Variants in SATB1 observed in about 807,000 individuals in gnomAD.
The protein encoded by SATB1 is SATB homeobox 1.
SATB1 carries 11 observed loss-of-function variants against 86.9 expected under a neutral mutation model. That is an observed-to-expected ratio of 0.13 (90% CI 0.08 to 0.21). The LOEUF is 0.21. SATB1 is among the 10% of genes least tolerant of loss of function. The pLI is 1.00. For synonymous variants in SATB1, 357 were observed against 357.2 expected (o/e 1.00, Z 0.01); for missense variants, 551 against 937.6 (o/e 0.59, Z 5.39).
At chr3:18,382,370 C>A (rs1696110371) in intron 8 of SATB1, among the ~76,000 whole-genome samples, 1 of 152,118 alleles carries the variant, frequency 6.6e-6, no homozygotes, top group Admixed American at 6.6e-5. Flanking sequence ...AAACAGTCTT[C>A]ATGGAAACAA....
At position 18,385,322 on chromosome 3, in the gene SATB1, T is replaced by C. The variant is rs568879207; in HGVS notation, c.1419+1077A>G. On this transcript the variant is annotated intron_variant, in intron 8 of 10. Transcript: ENST00000338745. The stretch of plus-strand genomic sequence containing the variant: ...AGCTGTAAATGTCACAAGTTAAACA[T>C]GTAAGAAAACACATTTGCAGCCGGG... Among the ~76,000 whole-genome samples the C allele has an allele frequency of 5.3e-5, 8 of 152,284 alleles. No homozygotes were observed. In the South Asian group the frequency reaches 1.7e-3, roughly 32 times the overall value.
chr3:18,420,689 C>G, intron 2 of SATB1, 68 bp downstream of exon 2: 2 of 1,264,792 alleles, frequency 1.6e-6, no homozygotes, highest in South Asian at 1.2e-5. Context: ...ACTCCACCCC[C>G]ACACAGTGTG....
At chr3:18,357,851 G>A (rs755535813) in intron 9 of SATB1, among the ~76,000 whole-genome samples, 11 of 151,726 alleles carry the variant, frequency 7.2e-5, no homozygotes, top group Non-Finnish European at 8.8e-5. Context: ...ATACTTTTGA[G>A]GGGGTGGCTA....
At chr3:18,437,509 G>C (rs922774917) in intron 1 of SATB1, among the ~76,000 whole-genome samples, 1 of 151,980 alleles carries the variant, frequency 6.6e-6, no homozygotes, top group Non-Finnish European at 1.5e-5. Context: ...TTAATATATA[G>C]TTAACATGTC....
intron 2 of SATB1, chr3:18,434,993 T>C (rs1196896869): frequency 6.6e-6 from 1 of 152,136 alleles, no homozygotes; most frequent in Non-Finnish European, 1.5e-5. Flanking sequence ...CCGACCACAA[T>C]TTTCTAAACG....
chr3:18,434,512 T>A (rs1232877351), intron 2 of SATB1, among the ~76,000 whole-genome samples: 1 of 152,012 alleles, frequency 6.6e-6, no homozygotes, highest in Non-Finnish European at 1.5e-5. Context: ...TCAGAAAGCC[T>A]TTAAAACTCA....
At chr3:18,381,593 A>G (rs1031379800) in intron 8 of SATB1, among the ~76,000 whole-genome samples, 3 of 152,238 alleles carry the variant, frequency 2.0e-5, no homozygotes, top group Non-Finnish European at 2.9e-5. Flanking sequence ...TTTAGAGTTC[A>G]TGACATTACC....
rs912338875 is a variant in SATB1, at chr3:18,349,968, C to T, written c.1780-286G>A. 6 of 436,960 alleles carry T rather than the reference C, an allele frequency of 1.4e-5. No individual in the cohort carries two copies. The South Asian group carries it at 2.3e-4, about 17-fold the overall frequency. 27.1% of individuals were successfully genotyped at this position (436,960 alleles called of 1,614,324 possible). ...AAACTCAGTGCTCTGAAAATGTGAG[C>T]CATAAAATTCACTAGAATGATACGC... On this transcript the variant is annotated intron_variant, in intron 10 of 10. Coordinates refer to ENST00000338745, the MANE Select transcript of SATB1 (RefSeq NM_002971.6). This position sits in a 1 kb window ranked among gnomAD's most constrained non-coding sequence, Gnocchi z 5.5.
intron 1 of SATB1, chr3:18,445,307 G>T (rs1479930537): frequency 3.0e-6 from 3 of 985,872 alleles, no homozygotes; most frequent in Non-Finnish European, 3.6e-6. Flanking sequence ...CGCCGCCGCC[G>T]CTGCTGCGCA....
chr3:18,378,658 T>G (rs1372244340), intron 8 of SATB1, among the ~76,000 whole-genome samples: 1 of 152,184 alleles, frequency 6.6e-6, no homozygotes, highest in Non-Finnish European at 1.5e-5. Flanking sequence ...TCCATTGCAA[T>G]CCTAACAAAG....
rs528086974 is a variant in SATB1 at position 18,424,739 on chromosome 3, T to C, written c.-1137A>G. ...CGAGCACCACAATGGCACTAGGACT[T>C]TGGGGGAAAAGAAACCCAGAAACCC... On this transcript the variant is annotated 5_prime_UTR_variant, in exon 1 of 11. Coordinates refer to ENST00000338745, the MANE Select transcript of SATB1 (RefSeq NM_002971.6). The C allele has an allele frequency of 5.1e-4, 77 of 152,342 alleles. No individual in the cohort carries two copies. The Middle Eastern group carries it at 0.01, about 20-fold the overall frequency. The allele number at this position is 152,342 out of a possible 1,614,324, so 9.4% of individuals were successfully genotyped here. A position where few individuals can be genotyped will look rare whatever the true frequency, so the allele number is the denominator to read the frequency against.
chr3:18,435,487 ACAC>A (rs1405821701), intron 2 of SATB1, among the ~76,000 whole-genome samples: 2 of 152,106 alleles, frequency 1.3e-5, no homozygotes, highest in Non-Finnish European at 2.9e-5. Context: ...CCCAGCCAAA[ACAC>A]CAGTGTAAAT....
intron 1 of SATB1, among the ~76,000 whole-genome samples, chr3:18,421,923 A>T (rs1698416970): frequency 6.6e-6 from 1 of 151,932 alleles, no homozygotes; most frequent in Non-Finnish European, 1.5e-5. Context: ...TAACCTCAGC[A>T]TGCAATGGCA....
intron 8 of SATB1, among the ~76,000 whole-genome samples, chr3:18,384,917 T>C (rs528672046): frequency 1.5e-3 from 234 of 152,308 alleles, no homozygotes; most frequent in Non-Finnish European, 2.6e-3. Context: ...TTATTCACAA[T>C]TATAGCAATG....
intron 7 of SATB1, among the ~76,000 whole-genome samples, chr3:18,392,746 T>C (rs546896004): frequency 6.6e-6 from 1 of 152,164 alleles, no homozygotes; most frequent in Admixed American, 6.5e-5. Flanking sequence ...CTATATTTAC[T>C]AAAATAAAGA....
upstream of SATB1, among the ~76,000 whole-genome samples, chr3:18,427,658 G>A (rs940337075): frequency 1.8e-4 from 27 of 152,084 alleles, no homozygotes; most frequent in African/African-American, 5.8e-4. Flanking sequence ...AATATAATAT[G>A]GGAATTAATA....
At chr3:18,389,942 T>C (rs1696560998) in intron 7 of SATB1, among the ~76,000 whole-genome samples, 1 of 152,184 alleles carries the variant, frequency 6.6e-6, no homozygotes, top group Admixed American at 6.5e-5. Flanking sequence ...AAAATTGTTT[T>C]GCATTGTCAT....
At chr3:18,422,360 G>A (rs938334956) in intron 1 of SATB1, among the ~76,000 whole-genome samples, 1 of 152,260 alleles carries the variant, frequency 6.6e-6, no homozygotes, top group South Asian at 2.1e-4. Context: ...GAAAAGGGGG[G>A]CAGCAATGTT....
In SATB1 at chr3:18,349,595, G is replaced by A; in HGVS notation, c.1867C>T (p.Arg623Trp). 2.5e-6 allele frequency: 4 copies of A among 1,613,580 alleles called. No individual in the cohort carries two copies. The highest frequency in any genetic ancestry group is 2.2e-5 in the East Asian group (1 of 44,882). Residue 623 changes from arginine (R) to tryptophan (W), a missense_variant, in exon 11 of 11, where the codon CGG becomes TGG. Arg to Trp is a moderately radical substitution (Grantham distance 101). Transcript: ENST00000338745. This position sits in a 1 kb window ranked among gnomAD's most constrained non-coding sequence, Gnocchi z 5.5. Reference sequence around the variant, plus strand: ...ACCGTGGGTTGCCGTGGGGGGAGCCGAGGGCCTGTCTGTGGCTGCTGCTGT... The same window carrying A: ...ACCGTGGGTTGCCGTGGGGGGAGCCAAGGGCCTGTCTGTGGCTGCTGCTGT... Reference protein sequence around the residue: ...QPQQQPQTGPRLPPRQPTVAS... With the variant: ...QPQQQPQTGPWLPPRQPTVAS...
Sources: allele counts gnomAD v4.1 joint callset (sites outside exome capture counted in the v4.1 genomes callset), GRCh38; gene constraint gnomAD v4.1.1; non-coding constraint Gnocchi (gnomAD v3.1); transcripts MANE v1.5; gene names NCBI Gene and HGNC (gene_info 2026-07-23, HGNC 2026-07-21).